The following MAPK9 variants were observed in gnomAD, a reference collection of about 807,000 sequenced individuals.
MAPK9 encodes mitogen-activated protein kinase 9, also known as Jun kinase.
A neutral mutation model predicts 57.1 loss-of-function variants in MAPK9; 30 were observed. That is an observed-to-expected ratio of 0.53 (90% CI 0.39 to 0.71). The LOEUF (loss-of-function observed/expected upper bound fraction) is 0.71. Among genes scored for constraint, MAPK9 ranks in the 30% least tolerant of loss-of-function variants. The pLI is 0.00. For synonymous variants in MAPK9, 155 were observed against 177.0 expected (o/e 0.88, Z 0.99); for missense variants, 362 against 521.0 (o/e 0.69, Z 2.97).
intron 1 of MAPK9, among the ~76,000 whole-genome samples, chr5:180,283,059 T>C (rs1397001013): frequency 1.3e-5 from 2 of 152,114 alleles, no homozygotes; most frequent in Admixed American, 6.5e-5. Context: ...TCCTGAGGGC[T>C]GTGGAAGCCG....
chr5:180,264,171 T>C (rs140481144), intron 4 of MAPK9, among the ~76,000 whole-genome samples: 133 of 152,306 alleles, frequency 8.7e-4, no homozygotes, highest in Non-Finnish European at 1.5e-3. Context: ...CACATTCTAA[T>C]GGACTACATG....
chr5:180,281,833 C>G (rs1037750772), intron 1 of MAPK9, among the ~76,000 whole-genome samples: 1 of 152,244 alleles, frequency 6.6e-6, no homozygotes. Context: ...GGCTGCCACT[C>G]TGACCACTCC....
intron 4 of MAPK9, among the ~76,000 whole-genome samples, chr5:180,263,587 C>T (rs1760209774): frequency 6.6e-6 from 1 of 152,172 alleles, no homozygotes; most frequent in South Asian, 2.1e-4. Flanking sequence ...TCATCTCTAG[C>T]CACGCCACCT....
intron 4 of MAPK9, 133 bp from the exon 5 acceptor site, chr5:180,261,955 T>C: frequency 3.1e-6 from 2 of 647,104 alleles, no homozygotes; most frequent in Non-Finnish European, 2.4e-6. Flanking sequence ...ATAATGGAAC[T>C]TTCTAAAAAT....
chr5:180,257,566 T>C (rs1319526595), intron 5 of MAPK9: 1 of 152,228 alleles, frequency 6.6e-6, no homozygotes, highest in African/African-American at 2.4e-5. Context: ...ATTTTAATTG[T>C]TTTTTAGAAA....
chr5:180,265,093 C>T (rs2127598917), intron 3 of MAPK9, among the ~76,000 whole-genome samples: 1 of 152,168 alleles, frequency 6.6e-6, no homozygotes, highest in South Asian at 2.1e-4. Flanking sequence ...CACATAATGT[C>T]TTTTTGAACA....
chr5:180,255,058 A>C (rs199774789), intron 5 of MAPK9, among the ~76,000 whole-genome samples: 1 of 151,996 alleles, frequency 6.6e-6, no homozygotes, highest in East Asian at 1.9e-4. Flanking sequence ...GGCACTAAGA[A>C]ACTCCGGAGC....
intron 7 of MAPK9, among the ~76,000 whole-genome samples, chr5:180,244,269 A>G (rs1339287889): frequency 6.6e-6 from 1 of 152,100 alleles, no homozygotes; most frequent in African/African-American, 2.4e-5. Context: ...GGCTACACTA[A>G]GCCTGCTCAG....
chr5:180,261,865 A>C (rs754145696), intron 4 of MAPK9, 43 bp from the exon 5 acceptor site: 6 of 1,547,302 alleles, frequency 3.9e-6, no homozygotes, highest in Non-Finnish European at 5.3e-6. Context: ...AATTATCCAA[A>C]GTTCCTTTAT....
In MAPK9 at chr5:180,266,622, C is replaced by CTT. The variant is rs902504191; in HGVS notation, c.253-1785_253-1784dup. 2.8e-5 allele frequency among the ~76,000 whole-genome samples: 4 copies of CTT among 144,878 alleles called. No individual in the cohort carries two copies. In the South Asian group the frequency reaches 8.8e-4, roughly 32 times the overall value. ...TGTGAGCCACAGCGCCCGGCTGATA[C>CTT]TTTTTTTTTTTTAGGAGATGGGGTC... On this transcript the variant is annotated intron_variant, in intron 3 of 11. Coordinates refer to ENST00000452135, the MANE Select transcript of MAPK9 (RefSeq NM_002752.5).
At chr5:180,285,770 T>C (rs1410980886) in intron 1 of MAPK9, among the ~76,000 whole-genome samples, 2 of 31,044 alleles carry the variant, frequency 6.4e-5, no homozygotes, top group Non-Finnish European at 1.9e-4. Flanking sequence ...TATTAAACAA[T>C]AATAATAATA....
chr5:180,268,168 C>G (rs1319929689), intron 3 of MAPK9, among the ~76,000 whole-genome samples: 2 of 152,150 alleles, frequency 1.3e-5, no homozygotes, highest in Non-Finnish European at 2.9e-5. Context: ...CAACATAATG[C>G]TCAGCGACCA....
intron 7 of MAPK9, among the ~76,000 whole-genome samples, chr5:180,245,176 C>T (rs146868482): frequency 2.0e-5 from 3 of 152,200 alleles, no homozygotes; most frequent in Non-Finnish European, 4.4e-5. Flanking sequence ...ATCTCTCTAT[C>T]CCAGACCTTG....
At chr5:180,278,497 C>T (rs556722107) in intron 2 of MAPK9, among the ~76,000 whole-genome samples, 3 of 152,262 alleles carry the variant, frequency 2.0e-5, no homozygotes, top group African/African-American at 4.8e-5. Flanking sequence ...GTCAAGAGAT[C>T]GAGACCATCC....
intron 5 of MAPK9, among the ~76,000 whole-genome samples, chr5:180,251,142 G>A (rs1758641971): frequency 1.3e-5 from 2 of 152,140 alleles, no homozygotes; most frequent in Admixed American, 1.3e-4. Flanking sequence ...CGGTGCTGGC[G>A]GGAGAAGCAG....
intron 3 of MAPK9, among the ~76,000 whole-genome samples, chr5:180,268,669 T>C (rs532536878): frequency 1.3e-5 from 2 of 151,486 alleles, no homozygotes; most frequent in African/African-American, 4.9e-5. Flanking sequence ...CTCCTAAAAA[T>C]ACAAAAAATT....
chr5:180,238,666 T>G (rs1757399609), intron 10 of MAPK9, among the ~76,000 whole-genome samples: 1 of 147,618 alleles, frequency 6.8e-6, no homozygotes, highest in Non-Finnish European at 1.5e-5. Context: ...TGGAGTACAG[T>G]GGCATGGTCT....
intron 5 of MAPK9, among the ~76,000 whole-genome samples, chr5:180,249,978 GCT>G (rs1758510714): frequency 6.6e-6 from 1 of 152,066 alleles, no homozygotes; most frequent in Non-Finnish European, 1.5e-5. Flanking sequence ...TCTTCCCATG[GCT>G]CTTTCTCTCC....
At chr5:180,288,869 A>C (rs732904) in intron 1 of MAPK9, among the ~76,000 whole-genome samples, 74,951 of 152,100 alleles carry the variant, frequency 0.49, 18,834 homozygotes, top group African/African-American at 0.6. Context: ...GTCAGGAGTT[A>C]ATAACTGTTA....
Sources: allele counts gnomAD v4.1 joint callset (sites outside exome capture counted in the v4.1 genomes callset), GRCh38; gene constraint gnomAD v4.1.1; transcripts MANE v1.5; gene names NCBI Gene and HGNC (gene_info 2026-07-23, HGNC 2026-07-21).